MARCHF1: variants seen among roughly 807,000 people sequenced by gnomAD.
The protein encoded by MARCHF1 is E3 ubiquitin-protein ligase MARCHF1.
MARCHF1 carries 40 observed loss-of-function variants against 54.2 expected under a neutral mutation model. The observed-to-expected ratio is 0.74, with a 90% CI of 0.57 to 0.96. MARCHF1 has a LOEUF of 0.96. Ranked by LOEUF, MARCHF1 falls within the 40% of genes least tolerant of loss-of-function variation. The pLI is 0.00. For synonymous variants in MARCHF1, 236 were observed against 236.3 expected, an observed-to-expected ratio of 1.00 and a Z score of 0.01; for missense variants, 586 against 656.5, an observed-to-expected ratio of 0.89 and a Z score of 1.17.
At chr4:164,160,466 T>C (rs1301102856) in intron 1 of MARCHF1, among the ~76,000 whole-genome samples, 1 of 152,228 alleles carries the variant, frequency 6.6e-6, no homozygotes, top group Non-Finnish European at 1.5e-5. Flanking sequence ...ATATGTGGTA[T>C]GTTGCTGACC....
At chr4:164,376,611 T>C (rs940869927) in intron 1 of MARCHF1, among the ~76,000 whole-genome samples, 63 of 152,262 alleles carry the variant, frequency 4.1e-4, no homozygotes, top group African/African-American at 1.5e-3. Context: ...CACTTGGACC[T>C]TATGAGGAGC....
intron 5 of MARCHF1, among the ~76,000 whole-genome samples, chr4:163,617,884 G>T (rs1741565191): frequency 6.6e-6 from 1 of 152,108 alleles, no homozygotes; most frequent in African/African-American, 2.4e-5. Flanking sequence ...TACAGACAAA[G>T]ATGTCAAAAT....
rs777302110 is a variant in MARCHF1, at chr4:163,972,691, C to T, written c.-39+15810G>A. ...CCTCCTGAGTAGCTTGGACTACAGG[C>T]GCCCGCCACCATGGCCGGCTAATTT... On this transcript the variant is annotated intron_variant, in intron 3 of 9. Transcript: ENST00000514618. 4.0e-5 allele frequency among the ~76,000 whole-genome samples: 6 copies of T among 150,602 alleles called. No individual in the cohort carries two copies. The East Asian group carries it at 6.0e-4, about 15-fold the overall frequency.
chr4:163,718,207 G>A (rs28380223), intron 4 of MARCHF1, among the ~76,000 whole-genome samples: 3,891 of 151,752 alleles, frequency 0.026, 168 homozygotes, highest in African/African-American at 0.088. Flanking sequence ...ACCCTAGAAG[G>A]AAACCTAGGC....
At chr4:164,020,826 G>A (rs1211321108) in intron 2 of MARCHF1, among the ~76,000 whole-genome samples, 2 of 152,218 alleles carry the variant, frequency 1.3e-5, no homozygotes, top group Non-Finnish European at 2.9e-5. Flanking sequence ...AGCTACTGCA[G>A]AGGCTGAGGT....
intron 4 of MARCHF1, among the ~76,000 whole-genome samples, chr4:163,786,570 G>A (rs1042189770): frequency 2.0e-5 from 3 of 151,836 alleles, no homozygotes; most frequent in African/African-American, 7.2e-5. Context: ...TAAATATTTG[G>A]TGTTCATAAA....
chr4:164,301,062 G>T (rs558612077), intron 1 of MARCHF1, among the ~76,000 whole-genome samples: 2 of 152,104 alleles, frequency 1.3e-5, no homozygotes, highest in African/African-American at 4.8e-5. Flanking sequence ...TTTTTTTAAA[G>T]ACACTATAAA....
At chr4:163,566,771 G>T (rs554394533) in intron 8 of MARCHF1, among the ~76,000 whole-genome samples, 1 of 152,222 alleles carries the variant, frequency 6.6e-6, no homozygotes, top group Admixed American at 6.5e-5. Flanking sequence ...ATCAACAATG[G>T]TTCACTGACT....
chr4:163,890,161 C>T (rs751442879), intron 3 of MARCHF1, among the ~76,000 whole-genome samples: 2 of 150,670 alleles, frequency 1.3e-5, no homozygotes, highest in Non-Finnish European at 2.9e-5. Flanking sequence ...GTCTCGATCT[C>T]CTGACCTCGT....
chr4:164,291,549 T>A (rs1734283569), intron 1 of MARCHF1, among the ~76,000 whole-genome samples: 1 of 152,008 alleles, frequency 6.6e-6, no homozygotes, highest in South Asian at 2.1e-4. Context: ...CATTTGATTA[T>A]TTCATCATTG....
intron 4 of MARCHF1, among the ~76,000 whole-genome samples, chr4:163,844,157 T>G (rs1190193288): frequency 6.6e-6 from 1 of 152,018 alleles, no homozygotes; most frequent in Non-Finnish European, 1.5e-5. Context: ...GGTCCCAGCA[T>G]GTGTTCCCCG....
At chr4:163,882,188 C>T (rs1274265984) in intron 3 of MARCHF1, among the ~76,000 whole-genome samples, 1 of 152,160 alleles carries the variant, frequency 6.6e-6, no homozygotes, top group East Asian at 1.9e-4. Context: ...TTAAAAAGTT[C>T]ATAATCATAA....
In MARCHF1 at chr4:163,849,539, A is replaced by G. The variant is rs114833995; in HGVS notation, c.111+4482T>C. On this transcript the variant is annotated intron_variant, in intron 4 of 9. Coordinates refer to ENST00000514618, the MANE Select transcript of MARCHF1 (RefSeq NM_001394959.1). ...TGATAGAGGCTGGCTAAACGCTTTCAATTTCCCTATTCAGGTTATATAAGA... is the reference window on the plus strand; with the variant it reads ...TGATAGAGGCTGGCTAAACGCTTTCGATTTCCCTATTCAGGTTATATAAGA... Among the ~76,000 whole-genome samples the G allele has an allele frequency of 5.3e-3, 803 of 152,280 alleles. 5 individuals carry two copies. Among genetic ancestry groups the G allele is most frequent in the South Asian group, 0.013 (63 of 4,828 alleles).
rs1734450214 is a variant in MARCHF1 at position 164,297,812 on chromosome 4, T to C, written c.-323+86058A>G. Among the ~76,000 whole-genome samples, 11 of 152,230 alleles carry C rather than the reference T, an allele frequency of 7.2e-5. No individual in the cohort carries two copies. The South Asian group carries it at 2.3e-3, about 32-fold the overall frequency. Reference sequence around the variant, plus strand: ...TCTATAAATCTAAATTTAAAACTATTCAAAAATAAAGTGTTTTAAAAGTTG... The same window carrying C: ...TCTATAAATCTAAATTTAAAACTATCCAAAAATAAAGTGTTTTAAAAGTTG... On this transcript the variant is annotated intron_variant, in intron 1 of 9. Transcript: ENST00000514618.
Position 163,831,252 on chromosome 4 carries a change from G to A in MARCHF1, c.111+22769C>T, listed in dbSNP as rs146005523. Among the ~76,000 whole-genome samples the A allele has an allele frequency of 2.5e-3, 383 of 152,226 alleles. 5 individuals are homozygous for A. Among genetic ancestry groups the A allele is most frequent in the Middle Eastern group, 0.01 (3 of 294 alleles). The stretch of plus-strand genomic sequence containing the variant: ...TTGGAACCAAGGAAATTGCCCAGGT[G>A]GAACCCTCAAAGAATTGCCAGGTTA... On this transcript the variant is annotated intron_variant, in intron 4 of 9. Transcript: ENST00000514618.
chr4:163,795,259 C>T (rs1474903256), intron 4 of MARCHF1, among the ~76,000 whole-genome samples: 1 of 152,078 alleles, frequency 6.6e-6, no homozygotes, highest in African/African-American at 2.4e-5. Context: ...GATGAAGTCT[C>T]ACTCTTGTTG....
At chr4:163,713,222 G>A (rs1246843141) in intron 4 of MARCHF1, among the ~76,000 whole-genome samples, 12 of 151,910 alleles carry the variant, frequency 7.9e-5, no homozygotes, top group Non-Finnish European at 1.6e-4. Context: ...GCCACTTTCC[G>A]GCCTATAGAA....
chr4:163,807,017 A>G (rs1251077605), intron 4 of MARCHF1, among the ~76,000 whole-genome samples: 1 of 152,224 alleles, frequency 6.6e-6, no homozygotes, highest in East Asian at 1.9e-4. Flanking sequence ...AAAGAGTATC[A>G]GATAAAATAT....
chr4:164,056,831 G>GCTGTGGATCACACGTGACC, intron 2 of MARCHF1, among the ~76,000 whole-genome samples: 1 of 152,286 alleles, frequency 6.6e-6, no homozygotes, highest in South Asian at 2.1e-4. Flanking sequence ...AGGGCTTGGA[G>GCTGTGGATCACACGTGACC]CTGTGGATCA....
Sources: allele counts gnomAD v4.1 joint callset (sites outside exome capture counted in the v4.1 genomes callset), GRCh38; gene constraint gnomAD v4.1.1; transcripts MANE v1.5; gene names NCBI Gene and HGNC (gene_info 2026-07-23, HGNC 2026-07-21).